LRRIQ1: variants seen among roughly 807,000 people sequenced by gnomAD.
LRRIQ1 encodes leucine rich repeats and IQ motif containing 1, also known as leucine-rich repeat- and IQ domain-containing protein 1.
In LRRIQ1, 210 loss-of-function variants were observed where a neutral mutation model predicts 211.9. That is an observed-to-expected ratio of 0.99 (90% CI 0.89 to 1.11). LRRIQ1 has a LOEUF of 1.11. Ranked by LOEUF, LRRIQ1 falls within the 50% of genes most tolerant of loss-of-function variation. The pLI, the probability that LRRIQ1 is intolerant of heterozygous loss-of-function variation, is 0.00. For synonymous variants in LRRIQ1, 699 were observed against 650.1 expected, an observed-to-expected ratio of 1.08 and a Z score of -1.14; for missense variants, 2,136 against 1,939.5, an observed-to-expected ratio of 1.10 and a Z score of -1.90.
At chr12:85,186,275 G>C (rs763310420) in intron 24 of LRRIQ1, among the ~76,000 whole-genome samples, 1 of 152,134 alleles carries the variant, frequency 6.6e-6, no homozygotes, top group Admixed American at 6.6e-5. Context: ...ACCTACAGAT[G>C]ACCTGGACTT....
At chr12:85,182,835 A>G (rs970177428) in intron 24 of LRRIQ1, among the ~76,000 whole-genome samples, 22 of 152,288 alleles carry the variant, frequency 1.4e-4, no homozygotes, top group East Asian at 3.9e-4. Context: ...AAGAAATTCA[A>G]CTTGATGCCT....
At position 85,046,521 on chromosome 12, in the gene LRRIQ1, G is replaced by A. The variant is rs571205644; in HGVS notation, c.454+384G>A. 1.6e-4 allele frequency among the ~76,000 whole-genome samples: 24 copies of A among 152,144 alleles called. 2 individuals carry two copies. The highest frequency in any genetic ancestry group is 4.8e-4 in the African/African-American group (20 of 41,478). ...TTATTCACTTTGGTGAAATTTCTACGTCTATTCAACAATGTATTTTATTGT... is the reference window on the plus strand; with the variant it reads ...TTATTCACTTTGGTGAAATTTCTACATCTATTCAACAATGTATTTTATTGT... On this transcript the variant is annotated intron_variant, in intron 5 of 26. Transcript: ENST00000393217.
intron 18 of LRRIQ1, among the ~76,000 whole-genome samples, chr12:85,134,040 T>C (rs1888954581): frequency 6.6e-6 from 1 of 152,070 alleles, no homozygotes; most frequent in South Asian, 2.1e-4. Flanking sequence ...TTGGCAGCAG[T>C]AGAAGCTATA....
intron 26 of LRRIQ1, among the ~76,000 whole-genome samples, chr12:85,243,412 TTTTA>T (rs1190633735): frequency 6.7e-6 from 1 of 149,272 alleles, no homozygotes; most frequent in South Asian, 2.1e-4. Flanking sequence ...TGGAAACGAT[TTTTA>T]TTTATTTTAT....
In LRRIQ1 at chr12:85,229,507, T is replaced by C. The variant is rs1179074318; in HGVS notation, c.4823-10T>C. ...AAATAATAAGTACACGTTCCATATT[T>C]CTTTCACAGGTATAGAAGAAGACCC... On this transcript the variant is annotated splice_polypyrimidine_tract_variant and intron_variant, in intron 24 of 26. Coordinates refer to ENST00000393217, the MANE Select transcript of LRRIQ1 (RefSeq NM_001079910.2). 1 of 1,590,970 alleles carries C rather than the reference T, an allele frequency of 6.3e-7. No individual in the cohort carries two copies. Among genetic ancestry groups the C allele is most frequent in the African/African-American group, 1.4e-5 (1 of 73,046 alleles).
At chr12:85,146,034 C>G (rs968771561) in intron 19 of LRRIQ1, among the ~76,000 whole-genome samples, 2 of 151,686 alleles carry the variant, frequency 1.3e-5, no homozygotes, top group African/African-American at 2.4e-5. Context: ...CCTCATGGTT[C>G]ATGCAATTAA....
At chr12:85,216,060 T>C (rs184274459) in intron 24 of LRRIQ1, among the ~76,000 whole-genome samples, 3 of 152,316 alleles carry the variant, frequency 2.0e-5, no homozygotes, top group African/African-American at 4.8e-5. Context: ...CTGAGGTACA[T>C]GTGCGGAACG....
At chr12:85,136,393 A>T (rs2136539187) in intron 18 of LRRIQ1, among the ~76,000 whole-genome samples, 1 of 152,054 alleles carries the variant, frequency 6.6e-6, no homozygotes, top group East Asian at 1.9e-4. Flanking sequence ...GCATGGGGAA[A>T]GTGGGTAGGG....
Position 85,065,339 on chromosome 12 carries a change from A to AT in LRRIQ1, c.2470dup (p.Ser824PhefsTer15). On this transcript the variant is annotated frameshift_variant, in exon 9 of 27. Transcript: ENST00000393217. LOFTEE classifies it high-confidence loss of function. Reference sequence around the variant, plus strand: ...CAGAGTGTACAAATCTTCAGTTTCTATCCCTTCGACGCTGTGGATTAACTT... The same window carrying AT: ...CAGAGTGTACAAATCTTCAGTTTCTATTCCCTTCGACGCTGTGGATTAACTT... 1 of 1,611,116 alleles carries AT rather than the reference A, an allele frequency of 6.2e-7. No homozygotes were observed. Among genetic ancestry groups the AT allele is most frequent in the Non-Finnish European group, 8.5e-7 (1 of 1,178,064 alleles).
In LRRIQ1 at chr12:85,047,365, T is replaced by G. The variant is rs759842683; in HGVS notation, c.573T>G (p.Ala191=). The change falls in exon 6 of 27, where the codon GCT becomes GCG. Residue 191 remains alanine, a synonymous_variant. Transcript: ENST00000393217. The part of the protein sequence containing the change: ...LEDKEKQTLK[A]QRDREEKQFQ... ...ATAAAGAGAAACAAACTCTCAAAGC[T>G]CAGAGGGATAGAGAAGAAAAACAAT... 6.2e-7 allele frequency: 1 copy of G among 1,606,384 alleles called. No homozygotes were observed. Among genetic ancestry groups the G allele is most frequent in the Admixed American group, 1.7e-5 (1 of 59,952 alleles).
At chr12:85,144,502 A>C (rs1204997889) in intron 19 of LRRIQ1, among the ~76,000 whole-genome samples, 1 of 151,672 alleles carries the variant, frequency 6.6e-6, no homozygotes, top group Non-Finnish European at 1.5e-5. Flanking sequence ...TAGAGATGTG[A>C]AAATAAAGTG....
At chr12:85,259,794 C>T (rs1176635270) in intron 1 of LRRIQ1, among the ~76,000 whole-genome samples, 3 of 151,930 alleles carry the variant, frequency 2.0e-5, no homozygotes, top group African/African-American at 7.2e-5. Flanking sequence ...AGGAATTATA[C>T]CAAGCAATGG....
At position 85,160,602 on chromosome 12, in the gene LRRIQ1, G is replaced by A. The variant is rs748329438; in HGVS notation, c.4721-11G>A. 45 of 1,541,102 alleles carry A rather than the reference G, an allele frequency of 2.9e-5. No individual in the cohort carries two copies. The highest frequency in any genetic ancestry group is 2.7e-4 in the African/African-American group (20 of 73,132). On this transcript the variant is annotated splice_polypyrimidine_tract_variant and intron_variant, in intron 23 of 26. Coordinates refer to ENST00000393217, the MANE Select transcript of LRRIQ1 (RefSeq NM_001079910.2). ...GATGAACTCTGCTCCTTTCTTATTC[G>A]TTTTGTTTAGATTCCACTGTGCGTC...
At chr12:85,226,650 A>C (rs1894669581) in intron 24 of LRRIQ1, among the ~76,000 whole-genome samples, 1 of 146,582 alleles carries the variant, frequency 6.8e-6, no homozygotes, top group Non-Finnish European at 1.5e-5. Context: ...CATTTACATT[A>C]GGTATATCTC....
chr12:85,220,107 A>G (rs1188645820), intron 24 of LRRIQ1, among the ~76,000 whole-genome samples: 1 of 152,194 alleles, frequency 6.6e-6, no homozygotes, highest in Non-Finnish European at 1.5e-5. Flanking sequence ...ACATAGAATC[A>G]GCCATTTATC....
intron 15 of LRRIQ1, among the ~76,000 whole-genome samples, chr12:85,114,470 T>A (rs1887425755): frequency 6.6e-6 from 1 of 152,192 alleles, no homozygotes; most frequent in African/African-American, 2.4e-5. Context: ...TCTCAAATAA[T>A]CTTTCAATGT....
intron 16 of LRRIQ1, among the ~76,000 whole-genome samples, chr12:85,123,577 A>G (rs977346646): frequency 6.6e-6 from 1 of 152,146 alleles, no homozygotes; most frequent in African/African-American, 2.4e-5. Context: ...AAGTACTTGA[A>G]TTCTCTTTGC....
At chr12:85,251,697 T>C (rs1410324823) in intron 1 of LRRIQ1, among the ~76,000 whole-genome samples, 1 of 151,420 alleles carries the variant, frequency 6.6e-6, no homozygotes, top group African/African-American at 2.4e-5. Flanking sequence ...ATATTTGAGG[T>C]CTAGTTTGTC....
intron 24 of LRRIQ1, among the ~76,000 whole-genome samples, chr12:85,170,157 A>G (rs1004713541): frequency 1.3e-5 from 2 of 151,848 alleles, no homozygotes; most frequent in Non-Finnish European, 1.5e-5. Context: ...ACTATTTTTT[A>G]ATCCAAATCA....
Sources: allele counts gnomAD v4.1 joint callset (sites outside exome capture counted in the v4.1 genomes callset), GRCh38; gene constraint gnomAD v4.1.1; transcripts MANE v1.5; gene names NCBI Gene and HGNC (gene_info 2026-07-23, HGNC 2026-07-21).